Variants in WNK2 observed in about 807,000 individuals in gnomAD.
WNK2 encodes the protein WNK lysine deficient protein kinase 2.
WNK2 carries 67 observed loss-of-function variants against 192.1 expected under a neutral mutation model. The observed-to-expected ratio is 0.35, with a 90% CI of 0.29 to 0.43. WNK2 has a LOEUF of 0.43. Ranked by LOEUF, WNK2 falls within the 20% of genes least tolerant of loss-of-function variation. The probability of loss-of-function intolerance (pLI) is 1.00; values close to 1 mark genes in which losing one functional copy is unlikely to be tolerated. For synonymous variants in WNK2, 1,439 were observed against 1,393.9 expected (o/e 1.03, Z -0.72); for missense variants, 2,698 against 3,089.7 (o/e 0.87, Z 3.01).
intron 2 of WNK2, among the ~76,000 whole-genome samples, chr9:93,190,132 G>A (rs1055011781): frequency 5.3e-5 from 8 of 152,200 alleles, no homozygotes; most frequent in Non-Finnish European, 1.0e-4. Flanking sequence ...TGCTGACCAT[G>A]GTTTTGGTTT....
rs1849644075 is a variant in WNK2, at chr9:93,293,154, C to T, written c.5689C>T (p.Leu1897=). The T allele has an allele frequency of 6.5e-7, 1 of 1,531,846 alleles. No individual in the cohort carries two copies. Among genetic ancestry groups the T allele is most frequent in the African/African-American group, 1.4e-5 (1 of 72,744 alleles). The allele number at this position is 1,531,846 out of a possible 1,614,324, so 94.9% of individuals were successfully genotyped here. ...CGAGGATGCTGACATAAAGAAGGAG[C>T]TGCAGAGTCTGCGGGAGAAGTAGGT... ...ELEDADIKKE[L]QSLREKHLKE... Residue 1897 remains leucine (L), a synonymous_variant, in exon 23 of 30, where the codon CTG becomes TTG. Transcript: ENST00000427277.
rs10992673 is a variant in WNK2, at chr9:93,200,112, C to G, written c.681+14502C>G. 0.02 allele frequency among the ~76,000 whole-genome samples: 3,094 copies of G among 152,168 alleles called. 163 individuals are homozygous for G. In the East Asian group the frequency reaches 0.22, roughly 11 times the overall value. On this transcript the variant is annotated intron_variant, in intron 2 of 29. Transcript: ENST00000427277. ...GCCCTAGTCCCCACCTGGGAGTGCACACCATGGGGGGTTGCAGGAGTTAAG... is the reference window on the plus strand; with the variant it reads ...GCCCTAGTCCCCACCTGGGAGTGCAGACCATGGGGGGTTGCAGGAGTTAAG...
intron 26 of WNK2, 136 bp from the exon 27 acceptor site, chr9:93,306,641 G>A (rs1588603355): frequency 9.7e-6 from 11 of 1,129,498 alleles, no homozygotes; most frequent in East Asian, 2.4e-5. Context: ...CGGCCGGGTC[G>A]GCCCTCTCTC....
chr9:93,320,397 G>A lies in WNK2; in HGVS notation c.*5G>A, dbSNP rs547684950. The A allele has an allele frequency of 2.5e-5, 34 of 1,367,614 alleles. 1 individual carries two copies. The East Asian group carries it at 1.0e-3, about 40-fold the overall frequency. The allele number at this position is 1,367,614 out of a possible 1,614,324, so 84.7% of individuals were successfully genotyped here. On this transcript the variant is annotated 3_prime_UTR_variant, in exon 30 of 30. Transcript: ENST00000427277. The stretch of plus-strand genomic sequence containing the variant: ...GAGAGTGAGAAGCCTGACTGACCCC[G>A]CCTAGACGCCAGGCCCACTTCACGC...
intron 26 of WNK2, among the ~76,000 whole-genome samples, chr9:93,300,969 T>C (rs1851500627): frequency 2.0e-5 from 3 of 152,228 alleles, no homozygotes. Context: ...CTTTACTTGC[T>C]GTATTTTCCT....
chr9:93,289,050 G>C lies in WNK2; in HGVS notation c.4296G>C (p.Thr1432=). ...AGGGGCTGACCAGTGAGCTCGAGAC[G>C]TCTCAGCCACTAGCGGAGACTCACG... ...TPQGLTSELE[T]SQPLAETHEA... The change falls in exon 20 of 30, where the codon ACG becomes ACC. Residue 1432 remains threonine (T), a synonymous_variant. Transcript: ENST00000427277. 6.2e-7 allele frequency: 1 copy of C among 1,605,482 alleles called. No homozygotes were observed. The highest frequency in any genetic ancestry group is 1.1e-5 in the South Asian group (1 of 89,822).
chr9:93,194,106 A>G (rs1272312305), intron 2 of WNK2, among the ~76,000 whole-genome samples: 2 of 152,248 alleles, frequency 1.3e-5, no homozygotes, highest in Non-Finnish European at 2.9e-5. Context: ...AAAAAATAAA[A>G]TTGGCCATAT....
rs895593619 is a variant in WNK2 at position 93,234,975 on chromosome 9, C to T, written c.1233+10C>T. The T allele has an allele frequency of 9.9e-6, 16 of 1,613,776 alleles. No individual in the cohort carries two copies. The highest frequency in any genetic ancestry group is 5.0e-5 in the Admixed American group (3 of 59,990). The stretch of plus-strand genomic sequence containing the variant: ...CCGCAAGGTCACCTGTGTGAGTCCA[C>T]CTGGCCCCTTGGTTAATTAATAAGG... On this transcript the variant is annotated intron_variant, in intron 5 of 29. Transcript: ENST00000427277.
At chr9:93,184,824 G>A (rs1034576858) in intron 1 of WNK2, 104 bp from the exon 2 acceptor site, 2 of 1,055,590 alleles carry the variant, frequency 1.9e-6, no homozygotes, top group Admixed American at 8.9e-5. Context: ...CCGCGGCCGG[G>A]GCTGGGCAGG....
chr9:93,208,414 G>A (rs1387856755), intron 2 of WNK2, among the ~76,000 whole-genome samples: 2 of 152,342 alleles, frequency 1.3e-5, no homozygotes, highest in East Asian at 3.9e-4. Flanking sequence ...CCATTTGGCT[G>A]GTTTCTCTGT....
intron 3 of WNK2, among the ~76,000 whole-genome samples, chr9:93,230,515 C>A (rs1366393843): frequency 6.6e-6 from 1 of 152,208 alleles, no homozygotes; most frequent in Non-Finnish European, 1.5e-5. Flanking sequence ...CAGGCCCTGG[C>A]CTTTCGTAAC....
intron 2 of WNK2, among the ~76,000 whole-genome samples, chr9:93,224,042 A>T (rs1837399396): frequency 1.3e-5 from 2 of 152,168 alleles, no homozygotes. Context: ...TTCTCTGTGC[A>T]TGGGACTATT....
intron 7 of WNK2, among the ~76,000 whole-genome samples, chr9:93,241,165 A>G (rs910328129): frequency 6.6e-6 from 1 of 152,240 alleles, no homozygotes; most frequent in Non-Finnish European, 1.5e-5. Flanking sequence ...ACAGACAGAG[A>G]CGTCTTTGTT....
At chr9:93,299,666 G>T (rs967994243) in intron 25 of WNK2, among the ~76,000 whole-genome samples, 1 of 152,150 alleles carries the variant, frequency 6.6e-6, no homozygotes, top group Admixed American at 6.5e-5. Flanking sequence ...AGGGACGGCT[G>T]GGGGGACGAG....
rs530586409 is a variant in WNK2, at chr9:93,231,944, G to C, written c.1075+836G>C. On this transcript the variant is annotated intron_variant, in intron 4 of 29. Coordinates refer to ENST00000427277, the MANE Select transcript of WNK2 (RefSeq NM_006648.4). ...TCCACGGACTTTGAAAAGAATGCCT[G>C]GGTGGCTGTGGAGCAGCTGTTTCTG... Among the ~76,000 whole-genome samples, 6 of 152,310 alleles carry C rather than the reference G, an allele frequency of 3.9e-5. No homozygotes were observed. The East Asian group carries it at 7.7e-4, about 20-fold the overall frequency.
At chr9:93,251,707 C>CA (rs1476157955) in intron 8 of WNK2, among the ~76,000 whole-genome samples, 1 of 151,970 alleles carries the variant, frequency 6.6e-6, no homozygotes, top group African/African-American at 2.4e-5. Context: ...GACCTTGTCT[C>CA]AAAAAAATAA....
intron 29 of WNK2, chr9:93,318,051 T>TCCACACCCACTTCCTATACTTGA (rs1290838225): frequency 6.2e-7 from 1 of 1,612,040 alleles, no homozygotes; most frequent in South Asian, 1.1e-5. Flanking sequence ...ACGCGCCGTC[T>TCCACACCCACTTCCTATACTTGA]CCACACCCAC....
Position 93,259,288 on chromosome 9 carries a change from G to C in WNK2, c.2740G>C (p.Ala914Pro), listed in dbSNP as rs1259635607. The change falls in exon 12 of 30, where the codon GCG becomes CCG. Residue 914 changes from alanine (A) to proline (P), a missense_variant. Ala to Pro is a conservative substitution (Grantham distance 27, BLOSUM62 -1). Around this residue, in one of 7 missense-constraint regions of WNK2, gnomAD observed 893 missense variants for 909.0 expected, o/e 0.98. Coordinates refer to ENST00000427277, the MANE Select transcript of WNK2 (RefSeq NM_006648.4). The surrounding 1 kb of genome is among the most constrained non-coding windows in gnomAD (Gnocchi z 4.8). ...GCTCCCAGGCCAACCTGTGTACCCA[G>C]CGGCCTTCCCACAGATGGCGCCTAC... The part of the protein sequence containing the change: ...AQLPGQPVYP[A>P]AFPQMAPTDV... 1 of 1,613,510 alleles carries C rather than the reference G, an allele frequency of 6.2e-7. No individual in the cohort carries two copies. The highest frequency in any genetic ancestry group is 2.2e-5 in the East Asian group (1 of 44,866).
At position 93,318,837 on chromosome 9, in the gene WNK2, G is replaced by T. The variant is rs1488990375; in HGVS notation, c.6628+1206G>T. 4 of 1,401,762 alleles carry T rather than the reference G, an allele frequency of 2.9e-6. No homozygotes were observed. In the African/African-American group the frequency reaches 5.8e-5, roughly 20 times the overall value. 86.8% of individuals were successfully genotyped at this position (1,401,762 alleles called of 1,614,324 possible). ...CACAACACAGCCCTTGGTGGGAGGGGAAGGCCCCAGCCTCCTCCACCTCCC... is the reference window on the plus strand; with the variant it reads ...CACAACACAGCCCTTGGTGGGAGGGTAAGGCCCCAGCCTCCTCCACCTCCC... On this transcript the variant is annotated intron_variant, in intron 29 of 29. Coordinates refer to ENST00000427277, the MANE Select transcript of WNK2 (RefSeq NM_006648.4).
Sources: allele counts gnomAD v4.1 joint callset (sites outside exome capture counted in the v4.1 genomes callset), GRCh38; gene constraint gnomAD v4.1.1; regional missense constraint gnomAD v4.1.1; non-coding constraint Gnocchi (gnomAD v3.1); transcripts MANE v1.5; gene names NCBI Gene and HGNC (gene_info 2026-07-23, HGNC 2026-07-21).